TJP2: variants seen among roughly 807,000 people sequenced by gnomAD.
The protein encoded by TJP2 is Friedreich ataxia region gene X104 (tight junction protein ZO-2).
In TJP2, 91 loss-of-function variants were observed where a neutral mutation model predicts 133.1. The observed-to-expected ratio is 0.68, with a 90% CI of 0.58 to 0.81. The LOEUF (loss-of-function observed/expected upper bound fraction) is 0.81. Among genes scored for constraint, TJP2 ranks in the 40% least tolerant of loss-of-function variants. The pLI is 0.00. For missense variants in TJP2, 1,541 were observed against 1,565.6 expected (o/e 0.98, Z 0.26); for synonymous variants, 592 against 583.4 (o/e 1.01, Z -0.21).
At chr9:69,156,636 A>T (rs1823781455) in intron 2 of TJP2, among the ~76,000 whole-genome samples, 2 of 139,838 alleles carry the variant, frequency 1.4e-5, no homozygotes, top group Non-Finnish European at 3.0e-5. Context: ...GGTTCACGCC[A>T]TTCTCCTGCC....
chr9:69,212,681 A>T lies in TJP2; in HGVS notation c.114+80A>T. On this transcript the variant is annotated intron_variant, in intron 2 of 22. Transcript: ENST00000377245. Reference sequence around the variant, plus strand: ...ATGGATCTTATTTATTTTCACCTACACACAGTTTTGGCTTTTTTTTTCCCT... The same window carrying T: ...ATGGATCTTATTTATTTTCACCTACTCACAGTTTTGGCTTTTTTTTTCCCT... The T allele has an allele frequency of 3.1e-6, 4 of 1,296,344 alleles. No individual in the cohort carries two copies. The South Asian group carries it at 3.6e-5, about 12-fold the overall frequency. 80.3% of individuals were successfully genotyped at this position (1,296,344 alleles called of 1,614,324 possible).
intron 1 of TJP2, among the ~76,000 whole-genome samples, chr9:69,197,795 A>AG (rs1156469791): frequency 6.6e-6 from 1 of 152,184 alleles, no homozygotes; most frequent in Non-Finnish European, 1.5e-5. Flanking sequence ...GAGAGTGTGT[A>AG]GGGGGACTGA....
At chr9:69,159,864 CAAAA>C (rs529283295) in intron 2 of TJP2, among the ~76,000 whole-genome samples, 2 of 87,800 alleles carry the variant, frequency 2.3e-5, no homozygotes, top group Admixed American at 1.2e-4. Context: ...GACTCTGTCT[CAAAA>C]AAAAAAAAAA....
intron 4 of TJP2, chr9:69,218,574 C>A: frequency 1.7e-6 from 1 of 581,472 alleles, no homozygotes; most frequent in South Asian, 1.9e-5. Flanking sequence ...ATTCTCTGAT[C>A]TGAGTTAGTT....
At chr9:69,230,011 A>G in intron 10 of TJP2, 71 bp from the exon 11 acceptor site, 9 of 1,579,642 alleles carry the variant, frequency 5.7e-6, no homozygotes, top group South Asian at 1.1e-5. Flanking sequence ...TAAATCTCTC[A>G]TTTGCTAATG....
upstream of TJP2, among the ~76,000 whole-genome samples, chr9:69,172,527 A>G (rs1419213693): frequency 6.6e-6 from 1 of 152,172 alleles, no homozygotes; most frequent in Non-Finnish European, 1.5e-5. Context: ...ACTGGTGGCA[A>G]GTGGTCATCT....
chr9:69,237,206 C>A, intron 14 of TJP2, 70 bp downstream of exon 14: 1 of 1,573,734 alleles, frequency 6.4e-7, no homozygotes, highest in Non-Finnish European at 8.7e-7. Flanking sequence ...TATTTTCAGA[C>A]TGTATGGTCA....
At chr9:69,236,653 G>A (rs1268311280) in intron 13 of TJP2, among the ~76,000 whole-genome samples, 1 of 152,144 alleles carries the variant, frequency 6.6e-6, no homozygotes, top group Non-Finnish European at 1.5e-5. Flanking sequence ...CTAGAAAAGA[G>A]GCCTGTATTT....
rs1563967695 is a variant in TJP2 at position 69,254,555 on chromosome 9, C to T, written c.*181C>T. The T allele has an allele frequency of 2.6e-6, 2 of 768,504 alleles. No homozygotes were observed. Among genetic ancestry groups the T allele is most frequent in the Non-Finnish European group, 2.2e-6 (1 of 458,412 alleles). The allele number at this position is 768,504 out of a possible 1,614,324, so 47.6% of individuals were successfully genotyped here. A position where few individuals can be genotyped will look rare whatever the true frequency, so the allele number is the denominator to read the frequency against. Reference sequence around the variant, plus strand: ...TGGTGCAAATTCAGAACTGAGGGCTCTGTTTGTGGGACTGGGTTAGAGGAG... The same window carrying T: ...TGGTGCAAATTCAGAACTGAGGGCTTTGTTTGTGGGACTGGGTTAGAGGAG... On this transcript the variant is annotated 3_prime_UTR_variant, in exon 23 of 23. Transcript: ENST00000377245.
At chr9:69,202,400 A>G (rs961664790) in intron 1 of TJP2, among the ~76,000 whole-genome samples, 1 of 152,152 alleles carries the variant, frequency 6.6e-6, no homozygotes, top group African/African-American at 2.4e-5. Flanking sequence ...GGACACATAC[A>G]TTCAAACCTT....
At chr9:69,153,951 C>T (rs1367111174) in intron 2 of TJP2, among the ~76,000 whole-genome samples, 1 of 152,200 alleles carries the variant, frequency 6.6e-6, no homozygotes, top group East Asian at 1.9e-4. Flanking sequence ...GCCCTAGTTT[C>T]AGATCCAGCA....
At chr9:69,240,441 A>G (rs2498421) in intron 17 of TJP2, among the ~76,000 whole-genome samples, 80,911 of 152,110 alleles carry the variant, frequency 0.53, 22,146 homozygotes, top group Middle Eastern at 0.63. Context: ...GAGCCAGGCC[A>G]AACACCTATG....
intron 1 of TJP2, among the ~76,000 whole-genome samples, chr9:69,192,737 T>G (rs1306626545): frequency 2.0e-5 from 3 of 152,182 alleles, no homozygotes; most frequent in Non-Finnish European, 2.9e-5. Context: ...AGTAGCGTGC[T>G]GCAGCAGTGG....
chr9:69,121,566 T>C (rs2133203189), exon 1 of TJP2: 2 of 162,928 alleles, frequency 1.2e-5, no homozygotes, highest in South Asian at 2.0e-4. Context: ...CTTCCCGCAC[T>C]CCGGCTTGGG....
chr9:69,235,712 A>G (rs1211442422), intron 12 of TJP2, among the ~76,000 whole-genome samples: 2 of 152,142 alleles, frequency 1.3e-5, no homozygotes, highest in East Asian at 3.9e-4. Context: ...GGGGAGGGCG[A>G]TCTTCTTTGC....
At chr9:69,249,119 CAA>C in intron 19 of TJP2, 4 of 1,283,718 alleles carry the variant, frequency 3.1e-6, no homozygotes, top group East Asian at 3.6e-5. Flanking sequence ...ATTAGTGACA[CAA>C]GAGATTTTAG....
intron 2 of TJP2, among the ~76,000 whole-genome samples, chr9:69,156,799 G>A (rs935587547): frequency 6.6e-6 from 1 of 152,076 alleles, no homozygotes; most frequent in African/African-American, 2.4e-5. Context: ...GATTACAGGC[G>A]TGAGCCACCG....
At chr9:69,137,624 A>G (rs1300019335) in intron 1 of TJP2, among the ~76,000 whole-genome samples, 2 of 151,768 alleles carry the variant, frequency 1.3e-5, no homozygotes, top group African/African-American at 4.8e-5. Context: ...TCGGCCTCCC[A>G]AAGTGCTGGG....
At chr9:69,164,311 A>G (rs749683508) in intron 2 of TJP2, among the ~76,000 whole-genome samples, 2 of 152,112 alleles carry the variant, frequency 1.3e-5, no homozygotes, top group Non-Finnish European at 2.9e-5. Flanking sequence ...GATTCTGGTG[A>G]TAAGTTTTTT....
Sources: allele counts gnomAD v4.1 joint callset (sites outside exome capture counted in the v4.1 genomes callset), GRCh38; gene constraint gnomAD v4.1.1; transcripts MANE v1.5; gene names NCBI Gene and HGNC (gene_info 2026-07-23, HGNC 2026-07-21).